The following STXBP4 variants were observed in gnomAD, a reference collection of about 807,000 sequenced individuals.
The protein encoded by STXBP4 is syntaxin binding protein 4, also known as syntaxin-binding protein 4.
In STXBP4, 55 loss-of-function variants were observed where a neutral mutation model predicts 76.1. The observed-to-expected ratio is 0.72, with a 90% CI of 0.58 to 0.91. The LOEUF is 0.91. STXBP4 is among the 40% of genes least tolerant of loss of function. The probability of loss-of-function intolerance (pLI) is 0.00; values close to 1 mark genes in which losing one functional copy is unlikely to be tolerated. For synonymous variants in STXBP4, 201 were observed against 220.2 expected (o/e 0.91, Z 0.77); for missense variants, 618 against 636.9 (o/e 0.97, Z 0.32).
At chr17:55,011,880 A>T (rs925157007) in intron 8 of STXBP4, among the ~76,000 whole-genome samples, 6 of 151,976 alleles carry the variant, frequency 3.9e-5, no homozygotes, top group Non-Finnish European at 7.4e-5. Flanking sequence ...GCCATTGAGG[A>T]GGTTGGCCGA....
chr17:55,043,741 C>T (rs900907917), intron 11 of STXBP4: 12 of 1,156,360 alleles, frequency 1.0e-5, no homozygotes, highest in East Asian at 8.2e-5. Flanking sequence ...GTTTTGCTAA[C>T]GTAATTTGGA....
chr17:55,028,633 A>C (rs1210517882), intron 8 of STXBP4, among the ~76,000 whole-genome samples: 1 of 152,198 alleles, frequency 6.6e-6, no homozygotes, highest in African/African-American at 2.4e-5. Flanking sequence ...CCAAATTCAA[A>C]ATCAGTAAAG....
chr17:55,175,563 A>G (rs1267156757), downstream of STXBP4, among the ~76,000 whole-genome samples: 2 of 152,178 alleles, frequency 1.3e-5, no homozygotes, highest in African/African-American at 4.8e-5. Flanking sequence ...GGCGCTGCTC[A>G]TAGATATGTG....
intron 1 of STXBP4, among the ~76,000 whole-genome samples, chr17:54,969,822 C>T (rs1041836113): frequency 3.3e-5 from 5 of 152,154 alleles, no homozygotes; most frequent in African/African-American, 9.7e-5. Context: ...CAGAACAAGT[C>T]GGGAGATCAC....
chr17:55,210,719 T>C, the STXBP4 span, among the ~76,000 whole-genome samples: 1 of 152,364 alleles, frequency 6.6e-6, no homozygotes, highest in Non-Finnish European at 1.5e-5. Context: ...TAAAGATATA[T>C]ACACACAAAC....
Position 55,039,739 on chromosome 17 carries a change from T to TA in STXBP4, c.856-3486dup, listed in dbSNP as rs5821081. ...ATGAGAACTAAGGAAGAAGAATGAA[T>TA]AAAAAAAAAAACTCAAAAGTTTTGT... On this transcript the variant is annotated intron_variant, in intron 10 of 17. Transcript: ENST00000376352. Among the ~76,000 whole-genome samples, 571 of 146,206 alleles carry TA rather than the reference T, an allele frequency of 3.9e-3. 9 individuals carry two copies. Among genetic ancestry groups the TA allele is most frequent in the East Asian group, 0.026 (129 of 5,058 alleles).
intron 3 of STXBP4, among the ~76,000 whole-genome samples, chr17:54,987,913 T>C (rs2077649628): frequency 6.6e-6 from 1 of 152,208 alleles, no homozygotes; most frequent in Non-Finnish European, 1.5e-5. Context: ...AGTAGTAGTA[T>C]CTCTGCAGTT....
intron 1 of STXBP4, among the ~76,000 whole-genome samples, chr17:54,974,172 C>T (rs561441529): frequency 2.0e-5 from 3 of 152,142 alleles, no homozygotes; most frequent in Non-Finnish European, 4.4e-5. Context: ...ATCCATTTAA[C>T]GATGTGAAAT....
intron 7 of STXBP4, among the ~76,000 whole-genome samples, chr17:55,007,196 A>G (rs969564732): frequency 6.6e-6 from 1 of 151,818 alleles, no homozygotes; most frequent in African/African-American, 2.4e-5. Context: ...AAAATTAGCC[A>G]GGCATGGTGG....
chr17:55,042,843 T>G (rs1180765824), intron 10 of STXBP4, among the ~76,000 whole-genome samples: 1 of 152,174 alleles, frequency 6.6e-6, no homozygotes, highest in African/African-American at 2.4e-5. Context: ...ATCTGATTTA[T>G]AATGTACAGC....
chr17:55,085,157 A>G (rs1481678387), intron 16 of STXBP4, among the ~76,000 whole-genome samples: 1 of 148,948 alleles, frequency 6.7e-6, no homozygotes, highest in Non-Finnish European at 1.5e-5. Context: ...GAATTGAACA[A>G]TGAGAACACA....
intron 16 of STXBP4, among the ~76,000 whole-genome samples, chr17:55,118,906 C>T (rs946871758): frequency 6.7e-6 from 1 of 150,154 alleles, no homozygotes; most frequent in African/African-American, 2.4e-5. Context: ...TTTTTAGAAC[C>T]ACTTTCTCCA....
Position 55,065,944 on chromosome 17 carries a change from C to T in STXBP4, c.1012-6956C>T, listed in dbSNP as rs371356951. On this transcript the variant is annotated intron_variant, in intron 12 of 17. Transcript: ENST00000376352. ...TAGAGCTAATTATAATCTGATTGAC[C>T]TGTTTTTCTTCCAAAAGCTTAACCA... 1.5e-3 allele frequency among the ~76,000 whole-genome samples: 222 copies of T among 152,202 alleles called. 7 individuals are homozygous for T. In the South Asian group the frequency reaches 0.045, roughly 31 times the overall value.
intron 9 of STXBP4, among the ~76,000 whole-genome samples, chr17:55,032,043 T>C (rs1264215417): frequency 6.6e-6 from 1 of 152,228 alleles, no homozygotes; most frequent in Non-Finnish European, 1.5e-5. Flanking sequence ...GCTGTTTTTC[T>C]TTCTTAAGCC....
intron 11 of STXBP4, 188 bp downstream of exon 11, chr17:55,043,513 A>G (rs2078738387): frequency 9.3e-7 from 1 of 1,080,700 alleles, no homozygotes; most frequent in Admixed American, 2.6e-5. Flanking sequence ...CTACATATTT[A>G]TATTTCACAA....
chr17:55,028,107 G>C lies in STXBP4; in HGVS notation c.667-3061G>C, dbSNP rs1030410695. Among the ~76,000 whole-genome samples the C allele has an allele frequency of 2.0e-5, 3 of 152,028 alleles. No homozygotes were observed. The East Asian group carries it at 5.8e-4, about 29-fold the overall frequency. On this transcript the variant is annotated intron_variant, in intron 8 of 17. Transcript: ENST00000376352. ...TAAGCTTTAATGAAGCAAGATAGTA[G>C]ATATCTATTACTTTATTATAGTATG...
At chr17:55,207,793 C>T in the STXBP4 span, among the ~76,000 whole-genome samples, 49 of 152,330 alleles carry the variant, frequency 3.2e-4, no homozygotes, top group African/African-American at 1.0e-3. Flanking sequence ...CATGCACGCA[C>T]GTGCGCACGT....
At chr17:55,028,180 A>G (rs571965158) in intron 8 of STXBP4, among the ~76,000 whole-genome samples, 58 of 152,218 alleles carry the variant, frequency 3.8e-4, no homozygotes, top group Middle Eastern at 3.4e-3. Flanking sequence ...AAAAATCCAG[A>G]TAATTCTTAC....
At chr17:55,014,197 A>T (rs893921133) in intron 8 of STXBP4, among the ~76,000 whole-genome samples, 1 of 152,098 alleles carries the variant, frequency 6.6e-6, no homozygotes. Flanking sequence ...AGGGAGGCAG[A>T]ATCCTTTAGT....
Sources: allele counts gnomAD v4.1 joint callset (sites outside exome capture counted in the v4.1 genomes callset), GRCh38; gene constraint gnomAD v4.1.1; transcripts MANE v1.5; gene names NCBI Gene and HGNC (gene_info 2026-07-23, HGNC 2026-07-21).